ZNF596: variants seen among roughly 807,000 people sequenced by gnomAD.
The protein encoded by ZNF596 is zinc finger protein 596.
Under a neutral mutation model 48.3 loss-of-function variants are expected in ZNF596, and 45 were observed. The ratio of observed to expected loss-of-function variants is 0.93; its 90% CI spans 0.73 to 1.19. ZNF596 has a LOEUF of 1.19. Ranked by LOEUF, ZNF596 falls within the 50% of genes most tolerant of loss-of-function variation. The probability of loss-of-function intolerance (pLI) is 0.00; values close to 1 mark genes in which losing one functional copy is unlikely to be tolerated. For missense variants in ZNF596, 848 were observed against 599.7 expected (o/e 1.41, Z -4.32); for synonymous variants, 270 against 202.0 (o/e 1.34, Z -2.85).
chr8:232,648 C>T lies in ZNF596; in HGVS notation c.-119C>T, dbSNP rs1158950603. 2.7e-6 allele frequency: 1 copy of T among 371,030 alleles called. No homozygotes were observed. The highest frequency in any genetic ancestry group is 5.5e-6 in the Non-Finnish European group (1 of 180,906). 23.0% of individuals were successfully genotyped at this position (371,030 alleles called of 1,614,324 possible). A position where few individuals can be genotyped will look rare whatever the true frequency, so the allele number is the denominator to read the frequency against. ...AGGTCGCCCCTGTCCGGCCCTTCCA[C>T]CCTAGTTCTCTTCACCGTCCGCCCA... On this transcript the variant is annotated 5_prime_UTR_variant, in exon 1 of 6. Coordinates refer to ENST00000398612, the MANE Select transcript of ZNF596 (RefSeq NM_001042416.3).
At position 232,651 on chromosome 8, in the gene ZNF596, T is replaced by C. The variant is rs975453274; in HGVS notation, c.-116T>C. 107 of 371,916 alleles carry C rather than the reference T, an allele frequency of 2.9e-4. No individual in the cohort carries two copies. The highest frequency in any genetic ancestry group is 2.1e-3 in the African/African-American group (97 of 46,244). The allele number at this position is 371,916 out of a possible 1,614,324, so 23.0% of individuals were successfully genotyped here. A position where few individuals can be genotyped will look rare whatever the true frequency, so the allele number is the denominator to read the frequency against. On this transcript the variant is annotated 5_prime_UTR_variant, in exon 1 of 6. Transcript: ENST00000398612. ...TCGCCCCTGTCCGGCCCTTCCACCC[T>C]AGTTCTCTTCACCGTCCGCCCATCC...
intron 1 of ZNF596, chr8:237,317 A>G (rs1280645933): frequency 6.6e-6 from 1 of 151,960 alleles, no homozygotes; most frequent in South Asian, 2.1e-4. Context: ...TTATTTATTA[A>G]ATTGTTTTAT....
chr8:243,911 A>G, intron 4 of ZNF596, 106 bp downstream of exon 4: 8 of 921,348 alleles, frequency 8.7e-6, no homozygotes, highest in Non-Finnish European at 1.2e-5. Context: ...TTTTTTAGAC[A>G]GAATCTCACT....
intron 3 of ZNF596, 50 bp from the exon 4 acceptor site, chr8:243,672 C>T (rs1209731458): frequency 6.3e-7 from 1 of 1,584,236 alleles, no homozygotes; most frequent in East Asian, 2.2e-5. Flanking sequence ...TAACCTTGTA[C>T]ATTTGTCAGC....
chr8:241,046 G>A lies in ZNF596; in HGVS notation c.12+139G>A, dbSNP rs1459979442. 51 of 1,060,802 alleles carry A rather than the reference G, an allele frequency of 4.8e-5. No homozygotes were observed. In the Middle Eastern group the frequency reaches 8.1e-4, roughly 17 times the overall value. The allele number at this position is 1,060,802 out of a possible 1,614,324, so 65.7% of individuals were successfully genotyped here. A position where few individuals can be genotyped will look rare whatever the true frequency, so the allele number is the denominator to read the frequency against. ...TTAAGATTCCCCAGGGCTTCGGAATGTTTACATTGGCTCAAAGAGTCATCA... is the reference window on the plus strand; with the variant it reads ...TTAAGATTCCCCAGGGCTTCGGAATATTTACATTGGCTCAAAGAGTCATCA... On this transcript the variant is annotated intron_variant, in intron 2 of 5. Coordinates refer to ENST00000398612, the MANE Select transcript of ZNF596 (RefSeq NM_001042416.3).
At chr8:233,182 C>T in intron 1 of ZNF596, 1 of 461,808 alleles carries the variant, frequency 2.2e-6, no homozygotes, top group South Asian at 1.6e-5. Context: ...AGGAGAGTGA[C>T]CTGAGCAAGT....
intron 3 of ZNF596, chr8:243,499 TGAG>T (rs1435850889): frequency 2.3e-6 from 1 of 433,346 alleles, no homozygotes; most frequent in Admixed American, 4.0e-5. Context: ...GTATTTGAAG[TGAG>T]GCATGGCCAT....
In ZNF596 at chr8:240,785, T is replaced by G; in HGVS notation, c.-72-39T>G. On this transcript the variant is annotated intron_variant, in intron 1 of 5. Coordinates refer to ENST00000398612, the MANE Select transcript of ZNF596 (RefSeq NM_001042416.3). Reference sequence around the variant, plus strand: ...GCAGATGTTAGAAGCAAAACTGGAGTGTCATGGTTTTTTTGTTTTTGTTTT... The same window carrying G: ...GCAGATGTTAGAAGCAAAACTGGAGGGTCATGGTTTTTTTGTTTTTGTTTT... 3 of 1,343,842 alleles carry G rather than the reference T, an allele frequency of 2.2e-6. No individual in the cohort carries two copies. In the South Asian group the frequency reaches 3.5e-5, roughly 16 times the overall value. 83.2% of individuals were successfully genotyped at this position (1,343,842 alleles called of 1,614,324 possible).
chr8:237,483 C>A (rs143681750), intron 1 of ZNF596: 5 of 152,098 alleles, frequency 3.3e-5, no homozygotes, highest in South Asian at 2.1e-4. Context: ...TGGCTACTTA[C>A]ATTTATCATA....
intron 1 of ZNF596, among the ~76,000 whole-genome samples, chr8:238,221 T>C (rs7830720): frequency 2.2e-4 from 33 of 152,250 alleles, no homozygotes; most frequent in African/African-American, 7.7e-4. Context: ...GAGGCTTGTG[T>C]GGAGGTTTAT....
At chr8:241,017 C>G (rs1252007012) in intron 2 of ZNF596, 110 bp downstream of exon 2, 5 of 1,334,940 alleles carry the variant, frequency 3.7e-6, no homozygotes, top group Non-Finnish European at 5.4e-6. Flanking sequence ...GATCCAAGCT[C>G]CAATTAAGAT....
At chr8:232,368 T>G (rs1337705738), upstream of ZNF596, 3 of 175,472 alleles carry the variant, frequency 1.7e-5, no homozygotes, top group African/African-American at 2.4e-5. Context: ...TCGCGCGACG[T>G]TTTTTGTTGA....
chr8:245,421 G>A lies in ZNF596; in HGVS notation c.574G>A (p.Glu192Lys), dbSNP rs760054825. ...LRPHSVTHTR[E>K]ITLECRVCGK... ...ACCACACAGTGTGACTCACACTAGA[G>A]AGATAACATTGGAATGTCGTGTGTG... Residue 192 changes from glutamate (E) to lysine (K), a missense_variant, in exon 6 of 6, where the codon GAG becomes AAG. Transcript: ENST00000398612. 6 of 1,614,048 alleles carry A rather than the reference G, an allele frequency of 3.7e-6. No individual in the cohort carries two copies. In the African/African-American group the frequency reaches 8.0e-5, roughly 22 times the overall value.
intron 1 of ZNF596, among the ~76,000 whole-genome samples, chr8:239,646 A>C (rs1234096915): frequency 6.6e-6 from 1 of 152,206 alleles, no homozygotes; most frequent in African/African-American, 2.4e-5. Flanking sequence ...TTTTGGAAGC[A>C]TCTTAGGTTT....
intron 2 of ZNF596, among the ~76,000 whole-genome samples, chr8:242,674 G>A (rs1380988888): frequency 1.3e-5 from 2 of 152,184 alleles, no homozygotes; most frequent in Non-Finnish European, 2.9e-5. Context: ...CACACCACAT[G>A]TGATATTTCT....
chr8:240,988 T>G, intron 2 of ZNF596, 81 bp downstream of exon 2: 2 of 1,524,320 alleles, frequency 1.3e-6, no homozygotes. Flanking sequence ...TTAACATGGA[T>G]GTTCTAAGTG....
At chr8:243,091 T>C in intron 3 of ZNF596, 78 bp downstream of exon 3, 2 of 1,393,688 alleles carry the variant, frequency 1.4e-6, no homozygotes, top group Non-Finnish European at 9.7e-7. Flanking sequence ...CATTCTTTCA[T>C]TCTACACGTG....
At position 245,277 on chromosome 8, in the gene ZNF596, T is replaced by A. The variant is rs1346466851; in HGVS notation, c.430T>A (p.Phe144Ile). ...AACGAAACACTTTGTAAGCAAAAAG[T>A]TTGGGAAAATCTTCAGTGACTGGTT... Reference protein sequence around the residue: ...MRTKHFVSKKFGKIFSDWLSF... With the variant: ...MRTKHFVSKKIGKIFSDWLSF... Residue 144 changes from phenylalanine (F) to isoleucine (I), a missense_variant, in exon 6 of 6, where the codon TTT (phenylalanine) becomes ATT (isoleucine). Physicochemically the swap from Phe to Ile is conservative, Grantham distance 21. Transcript: ENST00000398612. The A allele has an allele frequency of 1.2e-6, 2 of 1,613,998 alleles. No individual in the cohort carries two copies. Among genetic ancestry groups the A allele is most frequent in the East Asian group, 4.5e-5 (2 of 44,858 alleles).
At chr8:235,350 G>C (rs1453686611) in intron 1 of ZNF596, among the ~76,000 whole-genome samples, 5 of 152,162 alleles carry the variant, frequency 3.3e-5, no homozygotes, top group Non-Finnish European at 5.9e-5. Flanking sequence ...TGATCGCAGA[G>C]TAAATAAATG....
Sources: gnomAD v4.1 joint callset for allele counts (sites outside exome capture counted in the v4.1 genomes callset) on GRCh38, gnomAD v4.1.1 for gene constraint, MANE v1.5 for transcripts, NCBI Gene and HGNC (gene_info 2026-07-23, HGNC 2026-07-21) for gene names.